Variants in SCN9A observed in about 807,000 individuals in gnomAD.
SCN9A encodes sodium voltage-gated channel alpha subunit 9, also known as sodium channel protein type 9 subunit alpha.
In SCN9A, 131 loss-of-function variants were observed where a neutral mutation model predicts 187.0. The ratio of observed to expected loss-of-function variants is 0.70; its 90% CI spans 0.61 to 0.81. The LOEUF (loss-of-function observed/expected upper bound fraction) is 0.81, where lower values mean the gene tolerates loss of function less well. SCN9A is among the 30% of genes least tolerant of loss of function. The probability of loss-of-function intolerance (pLI) is 0.00; values close to 1 mark genes in which losing one functional copy is unlikely to be tolerated. For missense variants in SCN9A, 2,252 were observed against 2,396.6 expected (o/e 0.94, Z 1.26); for synonymous variants, 809 against 808.6 (o/e 1.00, Z -0.01).
At chr2:166,343,678 C>A (rs1261892476) in intron 1 of SCN9A, among the ~76,000 whole-genome samples, 2 of 152,050 alleles carry the variant, frequency 1.3e-5, no homozygotes, top group Non-Finnish European at 2.9e-5. Flanking sequence ...GGGAGTGGAT[C>A]TCAGCTACTC....
chr2:166,279,399 G>A (rs1246072611), intron 14 of SCN9A, among the ~76,000 whole-genome samples: 5 of 152,104 alleles, frequency 3.3e-5, no homozygotes, highest in African/African-American at 1.2e-4. Flanking sequence ...GGTTTATGAA[G>A]AGTCATAAGC....
At chr2:166,335,593 A>T (rs1699607203) in intron 1 of SCN9A, among the ~76,000 whole-genome samples, 1 of 152,154 alleles carries the variant, frequency 6.6e-6, no homozygotes, top group South Asian at 2.1e-4. Context: ...AGGGGCAGGC[A>T]CTGACAGGGT....
At chr2:166,264,485 A>T (rs1362046135) in intron 17 of SCN9A, among the ~76,000 whole-genome samples, 1 of 152,018 alleles carries the variant, frequency 6.6e-6, no homozygotes, top group East Asian at 1.9e-4. Flanking sequence ...CTCTTCAGAG[A>T]AGTGCTATTG....
chr2:166,218,978 C>G (rs887239357), intron 24 of SCN9A, among the ~76,000 whole-genome samples: 1 of 152,166 alleles, frequency 6.6e-6, no homozygotes, highest in Non-Finnish European at 1.5e-5. Flanking sequence ...CTCAATGTCA[C>G]TGACCATTAG....
chr2:166,238,379 G>T, intron 19 of SCN9A, 112 bp from the exon 20 acceptor site: 1 of 716,604 alleles, frequency 1.4e-6, no homozygotes. Flanking sequence ...ACATAATATT[G>T]ACATGGGCCA....
intron 1 of SCN9A, among the ~76,000 whole-genome samples, chr2:166,369,447 T>A (rs548565940): frequency 3.1e-4 from 47 of 152,310 alleles, no homozygotes; most frequent in African/African-American, 1.1e-3. Context: ...TTCCTAAAAG[T>A]CTGTCAGCTG....
At chr2:166,338,341 T>C (rs946398694) in intron 1 of SCN9A, among the ~76,000 whole-genome samples, 2 of 152,098 alleles carry the variant, frequency 1.3e-5, no homozygotes, top group African/African-American at 4.8e-5. Flanking sequence ...ATTTAGGGCT[T>C]ATTTTTTTTT....
At chr2:166,202,774 A>G (rs1025174175) in intron 26 of SCN9A, among the ~76,000 whole-genome samples, 3 of 151,710 alleles carry the variant, frequency 2.0e-5, no homozygotes, top group Admixed American at 1.3e-4. Flanking sequence ...TTTCATGTAT[A>G]AGATAATTAT....
intron 1 of SCN9A, among the ~76,000 whole-genome samples, chr2:166,312,714 G>A (rs1405540198): frequency 1.3e-5 from 2 of 152,058 alleles, no homozygotes; most frequent in African/African-American, 4.8e-5. Flanking sequence ...AATGGATAGC[G>A]TTAGCAGGCA....
chr2:166,227,818 T>TTTTTTTTTTTTTTTTTTTTTG, intron 22 of SCN9A, 95 bp from the exon 23 acceptor site: 1 of 697,182 alleles, frequency 1.4e-6, no homozygotes, highest in Non-Finnish European at 2.6e-6. Flanking sequence ...CCACAATTAT[T>TTTTTTTTTTTTTTTTTTTTTG]AAGTAATACT....
At chr2:166,296,266 C>T (rs1235812126) in intron 7 of SCN9A, 1 of 152,220 alleles carries the variant, frequency 6.6e-6, no homozygotes, top group East Asian at 1.9e-4. Flanking sequence ...GTGATCCACA[C>T]ATTCTGTACT....
At chr2:166,237,092 T>C (rs1216938045) in intron 20 of SCN9A, among the ~76,000 whole-genome samples, 2 of 151,982 alleles carry the variant, frequency 1.3e-5, no homozygotes, top group African/African-American at 4.8e-5. Flanking sequence ...AAAGAACATA[T>C]CATTCTGAGA....
chr2:166,203,887 A>G, intron 26 of SCN9A, 68 bp downstream of exon 26: 1 of 955,402 alleles, frequency 1.0e-6, no homozygotes, highest in Non-Finnish European at 1.6e-6. Context: ...TTCAGCATAT[A>G]CTTCCTTGAG....
intron 1 of SCN9A, among the ~76,000 whole-genome samples, chr2:166,366,522 G>T (rs1700421351): frequency 1.3e-5 from 2 of 152,090 alleles, no homozygotes; most frequent in Non-Finnish European, 2.9e-5. Context: ...GATTTCAATT[G>T]CTGGATCATA....
chr2:166,259,802 T>C (rs915185352), intron 17 of SCN9A, among the ~76,000 whole-genome samples: 3 of 151,834 alleles, frequency 2.0e-5, no homozygotes, highest in Non-Finnish European at 4.4e-5. Context: ...TTGATTTGAA[T>C]ATGTCAGACA....
chr2:166,288,784 T>A (rs1054931830), intron 9 of SCN9A, 141 bp from the exon 10 acceptor site: 4 of 585,572 alleles, frequency 6.8e-6, no homozygotes, highest in African/African-American at 5.6e-5. Context: ...TATATCTTCA[T>A]GGAAAACAAA....
intron 13 of SCN9A, among the ~76,000 whole-genome samples, chr2:166,280,998 C>T (rs983850375): frequency 6.6e-6 from 1 of 152,166 alleles, no homozygotes; most frequent in African/African-American, 2.4e-5. Flanking sequence ...CCAGAAAAAA[C>T]TCTTGCTGTA....
At chr2:166,249,979 AT>A (rs1274950126) in intron 18 of SCN9A, among the ~76,000 whole-genome samples, 1 of 152,112 alleles carries the variant, frequency 6.6e-6, no homozygotes, top group Non-Finnish European at 1.5e-5. Context: ...AAATTCTTAA[AT>A]CTCTGTAACA....
chr2:166,286,490 T>G lies in SCN9A; in HGVS notation c.1448A>C (p.Lys483Thr), dbSNP rs1396012352. Residue 483 changes from lysine (K) to threonine (T), a missense_variant, in exon 11 of 27, where the codon AAG becomes ACG. Lys to Thr is a moderately conservative substitution (Grantham distance 78). Coordinates refer to ENST00000642356, the MANE Select transcript of SCN9A (RefSeq NM_001365536.1). ...AKERRNRRKK[K>T]NQKKLSSGEE... ...TCCACTGGAGAGCTTCTTTTGATTCTTTTTCTTTCTTCTGTTTCTTCTTTC... is the reference window on the plus strand; with the variant it reads ...TCCACTGGAGAGCTTCTTTTGATTCGTTTTCTTTCTTCTGTTTCTTCTTTC... The G allele has an allele frequency of 6.2e-7, 1 of 1,613,658 alleles. No individual in the cohort carries two copies. The highest frequency in any genetic ancestry group is 1.3e-5 in the African/African-American group (1 of 74,892).
Sources: allele counts gnomAD v4.1 joint callset (sites outside exome capture counted in the v4.1 genomes callset), GRCh38; gene constraint gnomAD v4.1.1; transcripts MANE v1.5; gene names NCBI Gene and HGNC (gene_info 2026-07-23, HGNC 2026-07-21).